The following ZNF638 variants were observed in gnomAD, a reference collection of about 807,000 sequenced individuals.
ZNF638 encodes CTCL tumor antigen se33-1.
In ZNF638, 46 loss-of-function variants were observed where a neutral mutation model predicts 195.6. The ratio of observed to expected loss-of-function variants is 0.24; its 90% CI spans 0.19 to 0.30. The LOEUF (loss-of-function observed/expected upper bound fraction) is 0.30, where lower values mean the gene tolerates loss of function less well. ZNF638 is among the 10% of genes least tolerant of loss of function. ZNF638 has a pLI of 1.00. For synonymous variants in ZNF638, 845 were observed against 772.0 expected (o/e 1.09, Z -1.57); for missense variants, 2,440 against 2,325.3 (o/e 1.05, Z -1.01).
intron 10 of ZNF638, chr2:71,388,863 T>A (rs1023666464): frequency 3.1e-6 from 2 of 644,730 alleles, no homozygotes; most frequent in African/African-American, 3.6e-5. Context: ...TAGCAGAGCC[T>A]CGGTTTCACA....
chr2:71,384,873 G>A (rs569563624), intron 10 of ZNF638, among the ~76,000 whole-genome samples: 3 of 152,260 alleles, frequency 2.0e-5, no homozygotes, highest in South Asian at 4.1e-4. Flanking sequence ...ACACCATTCA[G>A]AGATCACCTC....
At position 71,406,239 on chromosome 2, in the gene ZNF638, G is replaced by T. The variant is rs777029558; in HGVS notation, c.3112G>T (p.Val1038Leu). 2.5e-6 allele frequency: 4 copies of T among 1,612,072 alleles called. No individual in the cohort carries two copies. The highest frequency in any genetic ancestry group is 1.7e-5 in the Admixed American group (1 of 59,986). ...GLQFGKVDHH[V>L]FISNRNKAIL... Reference sequence around the variant, plus strand: ...TCAGTTTGGAAAAGTGGATCACCATGTATTCATAAGTAATAGAAACAAGGT... The same window carrying T: ...TCAGTTTGGAAAAGTGGATCACCATTTATTCATAAGTAATAGAAACAAGGT... The change falls in exon 19 of 28, where the codon GTA becomes TTA. Residue 1038 changes from valine (V) to leucine (L), a missense_variant. By Grantham distance (32) the Val-to-Leu change is conservative. Coordinates refer to ENST00000264447, the MANE Select transcript of ZNF638 (RefSeq NM_014497.5).
intron 20 of ZNF638, among the ~76,000 whole-genome samples, chr2:71,411,537 C>G (rs1251703608): frequency 2.6e-5 from 3 of 117,308 alleles, no homozygotes; most frequent in Non-Finnish European, 5.2e-5. Flanking sequence ...AGGTTAGTTA[C>G]ATATGTATAC....
chr2:71,398,112 C>T (rs1184271876), intron 11 of ZNF638, among the ~76,000 whole-genome samples: 1 of 152,124 alleles, frequency 6.6e-6, no homozygotes, highest in African/African-American at 2.4e-5. Flanking sequence ...ATTTATTTAA[C>T]TTGCATGAAT....
Position 71,370,015 on chromosome 2 carries a change from AT to A in ZNF638, c.2265+13del. 6.3e-7 allele frequency: 1 copy of A among 1,584,246 alleles called. No individual in the cohort carries two copies. Among genetic ancestry groups the A allele is most frequent in the Non-Finnish European group, 8.5e-7 (1 of 1,172,036 alleles). ...AAAGAAAAAAGCACAGGTAATCTGGATTTAGGTCTTAAATGTTTTATCACTG... is the reference window on the plus strand; with the variant it reads ...AAAGAAAAAAGCACAGGTAATCTGGATTAGGTCTTAAATGTTTTATCACTG... On this transcript the variant is annotated intron_variant, in intron 8 of 27. Coordinates refer to ENST00000264447, the MANE Select transcript of ZNF638 (RefSeq NM_014497.5).
chr2:71,334,385 C>T (rs1449624941), intron 1 of ZNF638: 1 of 152,182 alleles, frequency 6.6e-6, no homozygotes, highest in Non-Finnish European at 1.5e-5. Flanking sequence ...ATGAATGCTG[C>T]CATGTAGTGG....
chr2:71,334,717 A>C (rs1180407931), intron 1 of ZNF638: 1 of 152,260 alleles, frequency 6.6e-6, no homozygotes, highest in East Asian at 1.9e-4. Flanking sequence ...CAGGAGATCT[A>C]GACCATCCTG....
intron 20 of ZNF638, among the ~76,000 whole-genome samples, chr2:71,411,473 A>ATT (rs1558876869): frequency 2.9e-5 from 2 of 68,374 alleles, no homozygotes; most frequent in East Asian, 1.4e-3. Context: ...TTTTATTTTT[A>ATT]ATTTTTTTTT....
Position 71,424,952 on chromosome 2 carries a change from A to C in ZNF638, c.4590+237A>C, listed in dbSNP as rs530575689. ...AGGCGGGGGGAGCGGGCAAAATGTTATATGGGGACAGAAAGAGAGTAGAGT... is the reference window on the plus strand; with the variant it reads ...AGGCGGGGGGAGCGGGCAAAATGTTCTATGGGGACAGAAAGAGAGTAGAGT... On this transcript the variant is annotated intron_variant, in intron 23 of 27. Coordinates refer to ENST00000264447, the MANE Select transcript of ZNF638 (RefSeq NM_014497.5). 3.9e-5 allele frequency among the ~76,000 whole-genome samples: 6 copies of C among 152,284 alleles called. No individual in the cohort carries two copies. The South Asian group carries it at 1.2e-3, about 32-fold the overall frequency.
chr2:71,426,418 C>A, intron 23 of ZNF638, 42 bp from the exon 24 acceptor site: 2 of 1,447,152 alleles, frequency 1.4e-6, no homozygotes, highest in South Asian at 2.8e-5. Context: ...AGCCAGTGGT[C>A]AAAATTTGTT....
chr2:71,388,790 G>C (rs2079705158), intron 10 of ZNF638: 2 of 833,420 alleles, frequency 2.4e-6, no homozygotes, highest in Non-Finnish European at 4.1e-6. Context: ...GTTTCATCAT[G>C]AGACAACAGC....
intron 20 of ZNF638, among the ~76,000 whole-genome samples, chr2:71,411,440 ATTTTTTTTATTTAT>A (rs1357069945): frequency 0.015 from 1,832 of 123,532 alleles, 39 homozygotes; most frequent in African/African-American, 0.048. Flanking sequence ...TGAGTTTTTT[ATTTTTTTTATTTAT>A]TTTTTATTTT....
Position 71,423,022 on chromosome 2 carries a change from CAAG to C in ZNF638, c.3509_3511del (p.Gln1170_Gly1171delinsArg). ...TGTTGAAACTTTGGAGCTTGAAACT[CAAG>C]GAGAGGAGGTCAAAGAAGAAATTCC... On this transcript the variant is annotated inframe_deletion, in exon 22 of 28. Coordinates refer to ENST00000264447, the MANE Select transcript of ZNF638 (RefSeq NM_014497.5). The C allele has an allele frequency of 6.2e-7, 1 of 1,614,114 alleles. No individual in the cohort carries two copies. The highest frequency in any genetic ancestry group is 8.5e-7 in the Non-Finnish European group (1 of 1,179,976).
At chr2:71,357,908 C>T (rs892317108) in intron 3 of ZNF638, among the ~76,000 whole-genome samples, 1 of 120,944 alleles carries the variant, frequency 8.3e-6, no homozygotes, top group African/African-American at 3.1e-5. Flanking sequence ...TGTGTCAAGT[C>T]TACTGGTGCC....
At chr2:71,363,459 G>A (rs1274218408) in intron 4 of ZNF638, among the ~76,000 whole-genome samples, 1 of 152,020 alleles carries the variant, frequency 6.6e-6, no homozygotes, top group African/African-American at 2.4e-5. Flanking sequence ...TGCCTTGAAT[G>A]CTAGGAGTGA....
At chr2:71,380,647 C>A in intron 10 of ZNF638, 82 bp downstream of exon 10, 1 of 1,175,820 alleles carries the variant, frequency 8.5e-7, no homozygotes, top group Non-Finnish European at 1.2e-6. Flanking sequence ...GCTATGAAGA[C>A]ACTATTGTGC....
intron 3 of ZNF638, among the ~76,000 whole-genome samples, chr2:71,360,974 C>T (rs550423540): frequency 2.6e-5 from 4 of 152,084 alleles, no homozygotes; most frequent in Non-Finnish European, 5.9e-5. Flanking sequence ...GTGAACAGGT[C>T]TGAACTTGGT....
chr2:71,359,485 C>T (rs1401109811), intron 3 of ZNF638, among the ~76,000 whole-genome samples: 1 of 152,194 alleles, frequency 6.6e-6, no homozygotes, highest in Non-Finnish European at 1.5e-5. Context: ...TGGCGTGATG[C>T]CCGCCCACAT....
At chr2:71,383,863 A>G (rs563494625) in intron 10 of ZNF638, among the ~76,000 whole-genome samples, 1 of 144,194 alleles carries the variant, frequency 6.9e-6, no homozygotes, top group Non-Finnish European at 1.5e-5. Flanking sequence ...CGGCCTCCCA[A>G]AGTGCTGGGA....
Sources: allele counts gnomAD v4.1 joint callset (sites outside exome capture counted in the v4.1 genomes callset), GRCh38; gene constraint gnomAD v4.1.1; transcripts MANE v1.5; gene names NCBI Gene and HGNC (gene_info 2026-07-23, HGNC 2026-07-21).